The following ACSL6 variants were observed in gnomAD, a reference collection of about 807,000 sequenced individuals.
The protein encoded by ACSL6 is long-chain-fatty-acid--CoA ligase 6.
ACSL6 carries 47 observed loss-of-function variants against 98.2 expected under a neutral mutation model. The observed-to-expected ratio is 0.48, with a 90% confidence interval of 0.38 to 0.61. ACSL6 has a LOEUF of 0.61. Among genes scored for constraint, ACSL6 ranks in the 20% least tolerant of loss-of-function variants. ACSL6 has a pLI of 0.00. For missense variants in ACSL6, 761 were observed against 913.4 expected (o/e 0.83, Z 2.15); for synonymous variants, 362 against 336.9 (o/e 1.07, Z -0.82).
In ACSL6 at chr5:131,981,347, A is replaced by C. The variant is rs552444390; in HGVS notation, c.916+4060T>G. On this transcript the variant is annotated intron_variant, in intron 9 of 20. Coordinates refer to ENST00000651883, the MANE Select transcript of ACSL6 (RefSeq NM_001009185.3). Reference sequence around the variant, plus strand: ...TAAAAAAAAAAAAAAAAAAAAAAACACAACTTTCTCCTCAAGTATAACACA... The same window carrying C: ...TAAAAAAAAAAAAAAAAAAAAAAACCCAACTTTCTCCTCAAGTATAACACA... 9.4e-4 allele frequency among the ~76,000 whole-genome samples: 140 copies of C among 149,394 alleles called. 1 individual carries two copies. The highest frequency in any genetic ancestry group is 1.7e-3 in the Non-Finnish European group (115 of 67,538).
At chr5:131,992,353 C>T (rs1754570743) in intron 2 of ACSL6, among the ~76,000 whole-genome samples, 1 of 152,120 alleles carries the variant, frequency 6.6e-6, no homozygotes, top group South Asian at 2.1e-4. Context: ...TATTTCCCAC[C>T]ACACAGCAGG....
At chr5:131,987,877 A>G (rs551737788) in intron 7 of ACSL6, among the ~76,000 whole-genome samples, 171 bp downstream of exon 7, 1 of 152,272 alleles carries the variant, frequency 6.6e-6, no homozygotes, top group African/African-American at 2.4e-5. Context: ...TGTGGGCACC[A>G]ACCCCACCAC....
At chr5:131,984,086 T>C (rs946724187) in intron 9 of ACSL6, 1 of 152,216 alleles carries the variant, frequency 6.6e-6, no homozygotes, top group African/African-American at 2.4e-5. Flanking sequence ...AAAAGCAACA[T>C]AAACCTGAAG....
At chr5:132,009,792 C>T (rs1158686858) in intron 1 of ACSL6, among the ~76,000 whole-genome samples, 2 of 152,190 alleles carry the variant, frequency 1.3e-5, no homozygotes, top group Non-Finnish European at 2.9e-5. Flanking sequence ...ACCCTGCTCA[C>T]AGACAAGGAC....
At chr5:131,975,180 A>G in intron 10 of ACSL6, 2 of 1,404,882 alleles carry the variant, frequency 1.4e-6, no homozygotes, top group South Asian at 1.6e-5. Flanking sequence ...GGGAAGGTGC[A>G]GAAAGAAGAG....
intron 12 of ACSL6, 138 bp from the exon 13 acceptor site, chr5:131,972,996 G>C: frequency 7.9e-6 from 10 of 1,262,732 alleles, no homozygotes; most frequent in Non-Finnish European, 1.1e-5. Flanking sequence ...CTGAATGTGT[G>C]ACATTGAGCT....
In ACSL6 at chr5:131,988,201, G is replaced by C; in HGVS notation, c.678C>G (p.Asp226Glu). ...NTADISTVIVDKPQKAVLLLE... is the reference protein window; with the variant it reads ...NTADISTVIVEKPQKAVLLLE... ...GCAGAAGCACAGCCTTCTGAGGTTT[G>C]TCCACAATCACGGTGCTGATGTCCG... The change falls in exon 7 of 21, where the codon GAC (aspartate) becomes GAG (glutamate). Residue 226 changes from aspartate to glutamate, a missense_variant. Physicochemically the swap from Asp to Glu is conservative, Grantham distance 45. Coordinates refer to ENST00000651883, the MANE Select transcript of ACSL6 (RefSeq NM_001009185.3). 6.2e-7 allele frequency: 1 copy of C among 1,614,202 alleles called. No individual in the cohort carries two copies. The highest frequency in any genetic ancestry group is 8.5e-7 in the Non-Finnish European group (1 of 1,180,032).
In ACSL6 at chr5:131,966,501, C is replaced by T. The variant is rs1248339430; in HGVS notation, c.1628G>A (p.Gly543Asp). ...CGTCCTGTCTGGATCTTTCAAGTAGCCTTTGAACACATTTGGTCCTCTCAC... is the reference window on the plus strand; with the variant it reads ...CGTCCTGTCTGGATCTTTCAAGTAGTCTTTGAACACATTTGGTCCTCTCAC... The part of the protein sequence containing the change: ...ICVRGPNVFK[G>D]YLKDPDRTKE... Residue 543 changes from glycine (G) to aspartate (D), a missense_variant, in exon 17 of 21, where the codon GGC (glycine) becomes GAC (aspartate). Gly to Asp is a moderately conservative substitution (Grantham distance 94). Transcript: ENST00000651883. The T allele has an allele frequency of 1.9e-6, 3 of 1,614,026 alleles. No individual in the cohort carries two copies. Among genetic ancestry groups the T allele is most frequent in the African/African-American group, 1.3e-5 (1 of 74,908 alleles).
chr5:131,985,369 A>C, intron 9 of ACSL6, 38 bp downstream of exon 9: 1 of 1,612,804 alleles, frequency 6.2e-7, no homozygotes, highest in South Asian at 1.1e-5. Context: ...GGAAGGGTGC[A>C]GGTAGCCATG....
intron 9 of ACSL6, among the ~76,000 whole-genome samples, chr5:131,978,515 G>A (rs972621679): frequency 1.3e-5 from 2 of 152,154 alleles, no homozygotes; most frequent in African/African-American, 2.4e-5. Flanking sequence ...GAGAAGGACC[G>A]TGCCCTCCTT....
chr5:132,012,207 A>G, upstream of ACSL6: 2 of 421,854 alleles, frequency 4.7e-6, no homozygotes, highest in Non-Finnish European at 8.4e-6. Context: ...CAGTGAGGGG[A>G]GGGAGTGGCA....
In ACSL6 at chr5:131,978,430, A is replaced by T. The variant is rs772719292; in HGVS notation, c.917-1709T>A. On this transcript the variant is annotated intron_variant, in intron 9 of 20. Transcript: ENST00000651883. ...TTATTTATTCTCCTACCCCACTTCAAACCTGGTAGGAGAGGGCAGAAACCT... is the reference window on the plus strand; with the variant it reads ...TTATTTATTCTCCTACCCCACTTCATACCTGGTAGGAGAGGGCAGAAACCT... 2.0e-5 allele frequency among the ~76,000 whole-genome samples: 3 copies of T among 152,286 alleles called. No individual in the cohort carries two copies. In the East Asian group the frequency reaches 5.8e-4, roughly 29 times the overall value.
Position 131,990,824 on chromosome 5 carries a change from TCCACACCCCCCC to T in ACSL6, c.385+17_385+28del. The T allele has an allele frequency of 7.2e-7, 1 of 1,380,776 alleles. No homozygotes were observed. Among genetic ancestry groups the T allele is most frequent in the Non-Finnish European group, 9.7e-7 (1 of 1,031,580 alleles). The allele number at this position is 1,380,776 out of a possible 1,614,324, so 85.5% of individuals were successfully genotyped here. ...CACTCCACCCCTGCCACACAGCCCC[TCCACACCCCCCC>T]CCACAACCCTTCTCACCTGAGATGC... On this transcript the variant is annotated intron_variant, in intron 3 of 20. Coordinates refer to ENST00000651883, the MANE Select transcript of ACSL6 (RefSeq NM_001009185.3).
intron 1 of ACSL6, chr5:132,006,697 A>G (rs1221132414): frequency 6.6e-6 from 1 of 152,254 alleles, no homozygotes; most frequent in Non-Finnish European, 1.5e-5. Context: ...CAGCCCTCAG[A>G]GAAGACTCTC....
At chr5:131,967,647 A>G (rs1453800395) in intron 16 of ACSL6, among the ~76,000 whole-genome samples, 1 of 148,588 alleles carries the variant, frequency 6.7e-6, no homozygotes, top group Non-Finnish European at 1.5e-5. Context: ...CCTGGGAGAC[A>G]GAGCGAGACT....
intron 1 of ACSL6, among the ~76,000 whole-genome samples, chr5:131,997,801 G>A (rs1754869054): frequency 6.6e-6 from 1 of 152,226 alleles, no homozygotes; most frequent in Non-Finnish European, 1.5e-5. Flanking sequence ...GGCTGGGCCT[G>A]TACCCCACCT....
intron 11 of ACSL6, 44 bp from the exon 12 acceptor site, chr5:131,973,444 A>T (rs1237957818): frequency 3.1e-6 from 5 of 1,600,222 alleles, no homozygotes; most frequent in Non-Finnish European, 4.3e-6. Context: ...TAGGGTGGTC[A>T]CTACTGGCGA....
intron 2 of ACSL6, chr5:131,993,270 A>G (rs1294108684): frequency 6.6e-6 from 1 of 152,398 alleles, no homozygotes; most frequent in Non-Finnish European, 1.5e-5. Flanking sequence ...AAGGTGCACA[A>G]CAGGGTATGT....
In ACSL6 at chr5:131,951,245, A is replaced by G. The variant is rs947093723; in HGVS notation, c.*2989T>C. 2.8e-5 allele frequency: 6 copies of G among 212,228 alleles called. No individual in the cohort carries two copies. Among genetic ancestry groups the G allele is most frequent in the Admixed American group, 2.4e-4 (4 of 17,020 alleles). The allele number at this position is 212,228 out of a possible 1,614,324, so 13.1% of individuals were successfully genotyped here. A position where few individuals can be genotyped will look rare whatever the true frequency, so the allele number is the denominator to read the frequency against. ...GGCTTAAATAGATCCAATGCCCAAT[A>G]TGAATGTGACCATCGTAAGTACATC... On this transcript the variant is annotated 3_prime_UTR_variant, in exon 21 of 21. Coordinates refer to ENST00000651883, the MANE Select transcript of ACSL6 (RefSeq NM_001009185.3).
Sources: allele counts gnomAD v4.1 joint callset (sites outside exome capture counted in the v4.1 genomes callset), GRCh38; gene constraint gnomAD v4.1.1; transcripts MANE v1.5; gene names NCBI Gene and HGNC (gene_info 2026-07-23, HGNC 2026-07-21).